The following SEL1L3 variants were observed in gnomAD, a reference collection of about 807,000 sequenced individuals.
SEL1L3 encodes protein sel-1 homolog 3.
SEL1L3 carries 76 observed loss-of-function variants against 142.8 expected under a neutral mutation model. The ratio of observed to expected loss-of-function variants is 0.53; its 90% CI spans 0.44 to 0.64. The LOEUF is 0.64. Ranked by LOEUF, SEL1L3 falls within the 30% of genes least tolerant of loss-of-function variation. The probability of loss-of-function intolerance (pLI) is 0.00; values close to 1 mark genes in which losing one functional copy is unlikely to be tolerated. For synonymous variants in SEL1L3, 504 were observed against 519.6 expected (o/e 0.97, Z 0.41); for missense variants, 1,262 against 1,381.7 (o/e 0.91, Z 1.37).
At chr4:25,719,558 T>C in the SEL1L3 span, 2 of 151,382 alleles carry the variant, frequency 1.3e-5, no homozygotes, top group African/African-American at 4.9e-5. Flanking sequence ...TTAGAAGAGG[T>C]GATGTCAGCG....
chr4:25,813,598 C>G (rs1431670161), intron 9 of SEL1L3, among the ~76,000 whole-genome samples: 1 of 152,152 alleles, frequency 6.6e-6, no homozygotes, highest in Non-Finnish European at 1.5e-5. Flanking sequence ...TATGGATTTT[C>G]AGTTTTGCAA....
chr4:25,860,428 T>A (rs1328605936), intron 1 of SEL1L3, among the ~76,000 whole-genome samples: 5 of 152,182 alleles, frequency 3.3e-5, no homozygotes, highest in Non-Finnish European at 1.5e-5. Context: ...TTTCTCTCTA[T>A]TGTTTTATGT....
At position 25,779,101 on chromosome 4, in the gene SEL1L3, G is replaced by A; in HGVS notation, c.2560C>T (p.Pro854Ser). 6.2e-7 allele frequency: 1 copy of A among 1,613,554 alleles called. No homozygotes were observed. The highest frequency in any genetic ancestry group is 8.5e-7 in the Non-Finnish European group (1 of 1,179,598). The part of the protein sequence containing the change: ...YYITGNLETF[P>S]RDPEKAVVWA... ...ACAACAGCTTTCTCAGGATCTCTAG[G>A]GAATGTCTCCAGGTTGCCTGTGATA... The change falls in exon 16 of 24, where the codon CCT becomes TCT. Residue 854 changes from proline to serine, a missense_variant. Coordinates refer to ENST00000399878, the MANE Select transcript of SEL1L3 (RefSeq NM_015187.5).
rs958711364 is a variant in SEL1L3 at position 25,750,666 on chromosome 4, C to A, written c.3260-2102G>T. ...GCTAATGAGACAGGACAGAGTACAACCTCCTCATGAAATCTCTCTGACTAT... is the reference window on the plus strand; with the variant it reads ...GCTAATGAGACAGGACAGAGTACAAACTCCTCATGAAATCTCTCTGACTAT... On this transcript the variant is annotated intron_variant, in intron 23 of 23. Transcript: ENST00000399878. Among the ~76,000 whole-genome samples the A allele has an allele frequency of 1.1e-4, 17 of 152,126 alleles. 1 individual carries two copies. The highest frequency in any genetic ancestry group is 2.2e-4 in the Non-Finnish European group (15 of 68,022).
rs1459023987 is a variant in SEL1L3 at position 25,851,132 on chromosome 4, T to C, written c.163-3268A>G. On this transcript the variant is annotated intron_variant, in intron 1 of 23. Coordinates refer to ENST00000399878, the MANE Select transcript of SEL1L3 (RefSeq NM_015187.5). ...TCCCAAAGTGCTGGGATTACAGGCG[T>C]GAGCCACTGTGCCCAGCCCAGGTTT... Among the ~76,000 whole-genome samples, 4 of 152,188 alleles carry C rather than the reference T, an allele frequency of 2.6e-5. No homozygotes were observed. The East Asian group carries it at 7.7e-4, about 29-fold the overall frequency.
At chr4:25,729,660 G>T in the SEL1L3 span, among the ~76,000 whole-genome samples, 2 of 152,200 alleles carry the variant, frequency 1.3e-5, no homozygotes, top group African/African-American at 4.8e-5. Flanking sequence ...TCTGCAGTGA[G>T]CCGAGATCGC....
At chr4:25,863,342 C>T (rs564436081), upstream of SEL1L3, 1 of 625,892 alleles carries the variant, frequency 1.6e-6, no homozygotes, top group African/African-American at 1.9e-5. Context: ...CTCCCAAACC[C>T]CCTCTCTTTT....
chr4:25,784,083 G>T, intron 14 of SEL1L3, 145 bp downstream of exon 14: 1 of 699,010 alleles, frequency 1.4e-6, no homozygotes, highest in Non-Finnish European at 2.6e-6. Context: ...CAGTGGGGGT[G>T]CCGTGCTGGC....
At chr4:25,771,839 G>A (rs148986526) in intron 17 of SEL1L3, among the ~76,000 whole-genome samples, 19 of 152,286 alleles carry the variant, frequency 1.2e-4, no homozygotes, top group East Asian at 7.7e-4. Flanking sequence ...TAACTTCTTC[G>A]AGTGTCCGAG....
At chr4:25,719,914 T>C in the SEL1L3 span, 2 of 152,076 alleles carry the variant, frequency 1.3e-5, no homozygotes, top group Non-Finnish European at 2.9e-5. Flanking sequence ...TTATGATAAA[T>C]ATTGATAGTA....
At chr4:25,849,089 A>T (rs1368490958) in intron 1 of SEL1L3, among the ~76,000 whole-genome samples, 1 of 152,210 alleles carries the variant, frequency 6.6e-6, no homozygotes, top group Admixed American at 6.5e-5. Context: ...CAGTGAGCCA[A>T]GATCACACCA....
chr4:25,806,887 T>G lies in SEL1L3; in HGVS notation c.1565-2135A>C, dbSNP rs1159235118. Among the ~76,000 whole-genome samples, 6 of 152,252 alleles carry G rather than the reference T, an allele frequency of 3.9e-5. No homozygotes were observed. In the East Asian group the frequency reaches 1.2e-3, roughly 29 times the overall value. On this transcript the variant is annotated intron_variant, in intron 9 of 23. Transcript: ENST00000399878. Reference sequence around the variant, plus strand: ...AAAAAAAAATTCAAACAATGCAGATTTGTATAAAATAAAAACAGAAATCCC... The same window carrying G: ...AAAAAAAAATTCAAACAATGCAGATGTGTATAAAATAAAAACAGAAATCCC...
intron 5 of SEL1L3, among the ~76,000 whole-genome samples, chr4:25,832,611 T>C (rs1325828555): frequency 6.6e-6 from 1 of 152,200 alleles, no homozygotes; most frequent in Non-Finnish European, 1.5e-5. Flanking sequence ...ACCAATCCAT[T>C]TCCTTAAAAA....
At chr4:25,750,548 ATGCC>A (rs1208358820) in intron 23 of SEL1L3, among the ~76,000 whole-genome samples, 3 of 152,238 alleles carry the variant, frequency 2.0e-5, no homozygotes, top group African/African-American at 7.2e-5. Context: ...AAGTAAGATC[ATGCC>A]TACTTCATCT....
rs147031866 is a variant in SEL1L3 at position 25,761,348 on chromosome 4, G to T, written c.2956-2280C>A. Among the ~76,000 whole-genome samples, 39 of 152,256 alleles carry T rather than the reference G, an allele frequency of 2.6e-4. No homozygotes were observed. In the East Asian group the frequency reaches 7.5e-3, roughly 29 times the overall value. ...TTTTTGTATTTTCAGTAGAGACGAG[G>T]TTTCTCCATGTCAGCCAGGCTGGTC... On this transcript the variant is annotated intron_variant, in intron 20 of 23. Transcript: ENST00000399878.
At chr4:25,813,612 A>C (rs902890741) in intron 9 of SEL1L3, among the ~76,000 whole-genome samples, 13 of 152,228 alleles carry the variant, frequency 8.5e-5, no homozygotes, top group Non-Finnish European at 1.9e-4. Context: ...TTTGCAAGAA[A>C]AAAGTCGTGG....
the SEL1L3 span, among the ~76,000 whole-genome samples, chr4:25,724,292 G>T: frequency 1.3e-5 from 2 of 151,980 alleles, no homozygotes; most frequent in Admixed American, 1.3e-4. Flanking sequence ...GGTGGAGAAC[G>T]CCTGTAGTCC....
At chr4:25,790,341 A>G in intron 12 of SEL1L3, 114 bp downstream of exon 12, 3 of 1,008,286 alleles carry the variant, frequency 3.0e-6, no homozygotes, top group Non-Finnish European at 3.1e-6. Context: ...AGTGTGAGTG[A>G]GAAATAAACT....
downstream of SEL1L3, among the ~76,000 whole-genome samples, chr4:25,744,837 A>G (rs1020561693): frequency 6.6e-6 from 1 of 152,236 alleles, no homozygotes; most frequent in African/African-American, 2.4e-5. Context: ...AAGACACCGA[A>G]AGGTGACGGC....
Sources: gnomAD v4.1 joint callset for allele counts (sites outside exome capture counted in the v4.1 genomes callset) on GRCh38, gnomAD v4.1.1 for gene constraint, MANE v1.5 for transcripts, NCBI Gene and HGNC (gene_info 2026-07-23, HGNC 2026-07-21) for gene names.